The following AXDND1 variants were observed in gnomAD, a reference collection of about 807,000 sequenced individuals.
The protein encoded by AXDND1 is axonemal dynein light chain domain-containing protein 1.
A neutral mutation model predicts 137.5 loss-of-function variants in AXDND1; 110 were observed. The observed-to-expected ratio is 0.80, with a 90% CI of 0.69 to 0.94. The LOEUF is 0.94. AXDND1 is among the 40% of genes least tolerant of loss of function. The pLI is 0.00. For missense variants in AXDND1, 1,191 were observed against 1,169.8 expected (o/e 1.02, Z -0.26); for synonymous variants, 414 against 399.7 (o/e 1.04, Z -0.43).
chr1:179,500,337 A>ATG (rs57654195), intron 20 of AXDND1, among the ~76,000 whole-genome samples: 13,749 of 133,748 alleles, frequency 0.1, 711 homozygotes, highest in East Asian at 0.2. Flanking sequence ...AGGGTACATT[A>ATG]TGTGTGTGTG....
chr1:179,421,316 C>G (rs1386799530), intron 12 of AXDND1, among the ~76,000 whole-genome samples: 1 of 134,526 alleles, frequency 7.4e-6, no homozygotes, highest in African/African-American at 3.0e-5. Context: ...TTGTGGTTCT[C>G]TATGGTTTCC....
At chr1:179,419,019 G>C (rs947853313) in intron 12 of AXDND1, among the ~76,000 whole-genome samples, 1 of 151,940 alleles carries the variant, frequency 6.6e-6, no homozygotes, top group Non-Finnish European at 1.5e-5. Flanking sequence ...TCAGACGATG[G>C]GCGGCCGGAC....
chr1:179,518,620 T>C (rs1219388475), intron 21 of AXDND1, among the ~76,000 whole-genome samples: 1 of 152,162 alleles, frequency 6.6e-6, no homozygotes, highest in East Asian at 1.9e-4. Context: ...TAGGTCCCAC[T>C]TAACAGGGAA....
intron 17 of AXDND1, among the ~76,000 whole-genome samples, chr1:179,478,439 T>C (rs1664896602): frequency 6.6e-6 from 1 of 151,598 alleles, no homozygotes; most frequent in Non-Finnish European, 1.5e-5. Flanking sequence ...CTCAATACCA[T>C]GTGGATGCTG....
intron 16 of AXDND1, chr1:179,452,204 C>A (rs1007559171): frequency 1.3e-5 from 2 of 152,608 alleles, no homozygotes; most frequent in African/African-American, 4.8e-5. Flanking sequence ...AAGGGACTGG[C>A]AGCATTTTGC....
intron 18 of AXDND1, among the ~76,000 whole-genome samples, chr1:179,486,200 A>G (rs548444924): frequency 1.3e-5 from 2 of 152,048 alleles, no homozygotes; most frequent in African/African-American, 4.8e-5. Flanking sequence ...AAGTATTAAC[A>G]GCAGAATCAA....
At chr1:179,460,120 G>T (rs1168889515) in intron 16 of AXDND1, among the ~76,000 whole-genome samples, 1 of 151,266 alleles carries the variant, frequency 6.6e-6, no homozygotes, top group African/African-American at 2.4e-5. Flanking sequence ...GTATACATGT[G>T]CCATGTTGGT....
chr1:179,497,044 A>G (rs1378300444), intron 20 of AXDND1, among the ~76,000 whole-genome samples: 2 of 152,122 alleles, frequency 1.3e-5, no homozygotes, highest in South Asian at 4.1e-4. Flanking sequence ...ATTTCATTGT[A>G]GTCAGAGAAC....
At chr1:179,416,056 A>G (rs781743394) in intron 12 of AXDND1, among the ~76,000 whole-genome samples, 3 of 152,116 alleles carry the variant, frequency 2.0e-5, no homozygotes, top group Non-Finnish European at 2.9e-5. Flanking sequence ...TAAATCATAT[A>G]CTTGTACCCA....
chr1:179,459,269 G>C (rs1372349943), intron 16 of AXDND1, among the ~76,000 whole-genome samples: 1 of 152,026 alleles, frequency 6.6e-6, no homozygotes, highest in East Asian at 1.9e-4. Context: ...TGGGACTACA[G>C]GTGCATGCCA....
chr1:179,492,729 T>C (rs1231651155), intron 19 of AXDND1, 126 bp from the exon 20 acceptor site: 1 of 593,614 alleles, frequency 1.7e-6, no homozygotes, highest in Non-Finnish European at 2.8e-6. Flanking sequence ...TGAATTATTA[T>C]GGTGAACTTC....
intron 20 of AXDND1, among the ~76,000 whole-genome samples, chr1:179,502,565 A>T (rs1418878924): frequency 2.5e-5 from 2 of 80,234 alleles, no homozygotes; most frequent in Non-Finnish European, 5.0e-5. Context: ...CTCTGTCTAA[A>T]AAAAAAAAAA....
chr1:179,447,917 G>C, intron 16 of AXDND1: 1 of 1,369,542 alleles, frequency 7.3e-7, no homozygotes, highest in Non-Finnish European at 1.0e-6. Flanking sequence ...GTTTGAGGTG[G>C]AGAGAGCGTG....
At chr1:179,389,830 G>C (rs1323323721) in intron 9 of AXDND1, among the ~76,000 whole-genome samples, 2 of 152,130 alleles carry the variant, frequency 1.3e-5, no homozygotes, top group East Asian at 3.9e-4. Flanking sequence ...TCCTAAAGAT[G>C]ATGTTTTTTA....
chr1:179,521,236 A>T (rs560120990), intron 21 of AXDND1, among the ~76,000 whole-genome samples: 2 of 152,096 alleles, frequency 1.3e-5, no homozygotes, highest in South Asian at 2.1e-4. Context: ...GGGCTTACAG[A>T]TGTTCACCAC....
At chr1:179,542,962 G>C (rs1302859311) in intron 25 of AXDND1, among the ~76,000 whole-genome samples, 2 of 152,158 alleles carry the variant, frequency 1.3e-5, no homozygotes, top group African/African-American at 4.8e-5. Flanking sequence ...TGCCCTGCAA[G>C]GGACCTAAAC....
chr1:179,454,576 A>G (rs555153415), intron 16 of AXDND1: 2 of 152,384 alleles, frequency 1.3e-5, no homozygotes, highest in African/African-American at 4.8e-5. Context: ...AGGCTACACA[A>G]TTGTGTGTGT....
At chr1:179,412,504 A>G (rs957946707) in intron 12 of AXDND1, among the ~76,000 whole-genome samples, 1 of 152,130 alleles carries the variant, frequency 6.6e-6, no homozygotes, top group Admixed American at 6.6e-5. Flanking sequence ...TTTGGAAGAA[A>G]ATGTAGAAGG....
chr1:179,368,459 A>G (rs1015235982), intron 2 of AXDND1, among the ~76,000 whole-genome samples: 3 of 152,214 alleles, frequency 2.0e-5, no homozygotes, highest in Admixed American at 6.5e-5. Flanking sequence ...GAAAGGGAAA[A>G]TAGACATTCA....
Sources: gnomAD v4.1 joint callset for allele counts (sites outside exome capture counted in the v4.1 genomes callset) on GRCh38, gnomAD v4.1.1 for gene constraint, MANE v1.5 for transcripts, NCBI Gene and HGNC (gene_info 2026-07-23, HGNC 2026-07-21) for gene names.